Variants in DHX36 observed in about 807,000 individuals in gnomAD.
DHX36 encodes DEAH-box helicase 36.
A neutral mutation model predicts 139.0 loss-of-function variants in DHX36; 50 were observed. The observed-to-expected ratio is 0.36, with a 90% CI of 0.29 to 0.46. The LOEUF (loss-of-function observed/expected upper bound fraction) is 0.46. Among genes scored for constraint, DHX36 ranks in the 20% least tolerant of loss-of-function variants. DHX36 has a pLI of 1.00. For synonymous variants in DHX36, 425 were observed against 401.9 expected (o/e 1.06, Z -0.69); for missense variants, 1,024 against 1,211.3 (o/e 0.85, Z 2.29).
chr3:154,311,537 A>G, intron 4 of DHX36, 99 bp downstream of exon 4: 2 of 971,156 alleles, frequency 2.1e-6, no homozygotes, highest in Non-Finnish European at 3.0e-6. Flanking sequence ...CCTGTAAAAG[A>G]AAGTTCATTA....
At chr3:154,301,259 G>T in intron 9 of DHX36, 132 bp from the exon 10 acceptor site, 1 of 849,896 alleles carries the variant, frequency 1.2e-6, no homozygotes. Context: ...TCAAGTGAAT[G>T]CTAGCTAAAA....
chr3:154,272,609 A>C lies in DHX36; in HGVS notation c.*3562T>G, dbSNP rs1301808459. On this transcript the variant is annotated 3_prime_UTR_variant, in exon 25 of 25. Coordinates refer to ENST00000496811, the MANE Select transcript of DHX36 (RefSeq NM_020865.3). The stretch of plus-strand genomic sequence containing the variant: ...TTTATTATATATAAAATAATACCTA[A>C]AGTTTATATATATCAAAATGGAACA... 6.6e-6 allele frequency: 1 copy of C among 151,250 alleles called. No homozygotes were observed. Among genetic ancestry groups the C allele is most frequent in the Non-Finnish European group, 1.5e-5 (1 of 67,834 alleles). 9.4% of individuals were successfully genotyped at this position (151,250 alleles called of 1,614,324 possible).
intron 13 of DHX36, among the ~76,000 whole-genome samples, 163 bp from the exon 14 acceptor site, chr3:154,293,975 C>A (rs1711929288): frequency 6.6e-6 from 1 of 152,306 alleles, no homozygotes; most frequent in South Asian, 2.1e-4. Flanking sequence ...AAGTACAGAT[C>A]ATTTTCAATA....
chr3:154,283,386 G>A (rs946562250), intron 19 of DHX36, 115 bp from the exon 20 acceptor site: 2 of 704,460 alleles, frequency 2.8e-6, no homozygotes, highest in African/African-American at 3.6e-5. Context: ...AATTTTCTTT[G>A]TAAAAAATTC....
In DHX36 at chr3:154,293,791, C is replaced by T. The variant is rs773354597; in HGVS notation, c.1627G>A (p.Gly543Ser). The T allele has an allele frequency of 2.9e-5, 47 of 1,612,594 alleles. No homozygotes were observed. Among genetic ancestry groups the T allele is most frequent in the Non-Finnish European group, 4.0e-5 (47 of 1,179,130 alleles). ...QTQVFKRTPPGVRKIVIATNI... is the reference protein window; with the variant it reads ...QTQVFKRTPPSVRKIVIATNI... ...GTAGCAATTACTATTTTCCGAACACCAGGAGGGGTTCTTTTAAACACCTGT... is the reference window on the plus strand; with the variant it reads ...GTAGCAATTACTATTTTCCGAACACTAGGAGGGGTTCTTTTAAACACCTGT... The change falls in exon 14 of 25, where the codon GGT becomes AGT. Residue 543 changes from glycine to serine, a missense_variant. By Grantham distance (56) the Gly-to-Ser change is moderately conservative. This residue lies in a region of DHX36 where 470 missense variants were observed against 616.2 expected (regional missense o/e 0.76). Transcript: ENST00000496811.
chr3:154,276,325 T>C lies in DHX36; in HGVS notation c.2873A>G (p.Gln958Arg). 1 of 1,613,184 alleles carries C rather than the reference T, an allele frequency of 6.2e-7. No individual in the cohort carries two copies. The highest frequency in any genetic ancestry group is 8.5e-7 in the Non-Finnish European group (1 of 1,179,842). The change falls in exon 25 of 25, where the codon CAA (glutamine) becomes CGA (arginine). Residue 958 changes from glutamine to arginine, a missense_variant. Physicochemically the swap from Gln to Arg is conservative, Grantham distance 43. Transcript: ENST00000496811. ...AGGATGAGGACTTTCAATCTTCTCT[T>C]GCAGAAGAATATCTAGTTCCTTTCT... ...ELRKELDILL[Q>R]EKIESPHPVD... is the part of the protein sequence containing the mutation.
chr3:154,280,694 GGAAAA>G (rs770099570), intron 21 of DHX36, 25 bp from the exon 22 acceptor site: 8 of 1,606,692 alleles, frequency 5.0e-6, no homozygotes, highest in African/African-American at 2.7e-5. Flanking sequence ...AAGGTAGAGG[GGAAAA>G]GAAAAGTAAA....
Position 154,276,119 on chromosome 3 carries a change from A to C in DHX36, c.*52T>G, listed in dbSNP as rs1452944079. The C allele has an allele frequency of 8.3e-6, 13 of 1,563,198 alleles. No homozygotes were observed. The Admixed American group carries it at 2.2e-4, about 26-fold the overall frequency. On this transcript the variant is annotated 3_prime_UTR_variant, in exon 25 of 25. Transcript: ENST00000496811. The stretch of plus-strand genomic sequence containing the variant: ...TTGGCATCCAGCCAAAATTTAAACA[A>C]TGATGAAGAATGGCTGTCAAACTGG...
At chr3:154,308,122 A>G (rs1028817422) in intron 5 of DHX36, among the ~76,000 whole-genome samples, 1 of 152,206 alleles carries the variant, frequency 6.6e-6, no homozygotes, top group Non-Finnish European at 1.5e-5. Context: ...GGTACAATGT[A>G]TATGATGTGG....
At chr3:154,288,786 G>T in intron 17 of DHX36, 80 bp downstream of exon 17, 1 of 731,950 alleles carries the variant, frequency 1.4e-6, no homozygotes, top group Non-Finnish European at 2.0e-6. Flanking sequence ...TTGCAGTAAT[G>T]AGAGTAAACA....
At position 154,306,163 on chromosome 3, in the gene DHX36, G is replaced by A. The variant is rs1374394292; in HGVS notation, c.893+53C>T. Reference sequence around the variant, plus strand: ...AAATATCCTTTCTTTTGAATCTCCAGCTTCAAAGTTTCACTAAAATCTGCC... The same window carrying A: ...AAATATCCTTTCTTTTGAATCTCCAACTTCAAAGTTTCACTAAAATCTGCC... On this transcript the variant is annotated intron_variant, in intron 6 of 24. Transcript: ENST00000496811. 3 of 1,295,208 alleles carry A rather than the reference G, an allele frequency of 2.3e-6. No individual in the cohort carries two copies. In the East Asian group the frequency reaches 7.0e-5, roughly 30 times the overall value. 80.2% of individuals were successfully genotyped at this position (1,295,208 alleles called of 1,614,324 possible).
chr3:154,316,089 A>G lies in DHX36; in HGVS notation c.318T>C (p.Asn106=). ...ATATCTGTGCTTCTGACTCTTTATC[A>G]TTCTTCGCTTGAACAGAATTCAGTA... The part of the protein sequence containing the change: ...VQLLNSVQAK[N]DKESEAQISW... The change falls in exon 2 of 25, where the codon AAT becomes AAC. Residue 106 remains asparagine, a synonymous_variant. Transcript: ENST00000496811. 1 of 1,613,346 alleles carries G rather than the reference A, an allele frequency of 6.2e-7. No homozygotes were observed. Among genetic ancestry groups the G allele is most frequent in the Non-Finnish European group, 8.5e-7 (1 of 1,179,580 alleles).
chr3:154,312,852 A>AAAATATAT (rs1468885860), intron 3 of DHX36, among the ~76,000 whole-genome samples: 1 of 39,762 alleles, frequency 2.5e-5, no homozygotes, highest in Non-Finnish European at 4.7e-5. Flanking sequence ...AAATAATTAA[A>AAAATATAT]ATATATATAT....
At chr3:154,293,593 CA>C (rs537151140) in intron 14 of DHX36, among the ~76,000 whole-genome samples, 154 bp downstream of exon 14, 55 of 151,830 alleles carry the variant, frequency 3.6e-4, no homozygotes, top group Admixed American at 2.0e-3. Flanking sequence ...AAAAAGCCCA[CA>C]AAAAATAAAA....
chr3:154,313,787 G>C (rs1280858744), intron 3 of DHX36, among the ~76,000 whole-genome samples: 2 of 152,108 alleles, frequency 1.3e-5, no homozygotes, highest in Non-Finnish European at 2.9e-5. Flanking sequence ...TATTGCACAT[G>C]CTAAAAATGA....
chr3:154,300,073 T>C, intron 11 of DHX36, 148 bp from the exon 12 acceptor site: 5 of 604,124 alleles, frequency 8.3e-6, no homozygotes, highest in South Asian at 6.7e-5. Flanking sequence ...GCTTTTTTTT[T>C]TTAATTATTG....
At chr3:154,289,451 A>G (rs1711697103) in intron 16 of DHX36, among the ~76,000 whole-genome samples, 1 of 152,236 alleles carries the variant, frequency 6.6e-6, no homozygotes, top group Non-Finnish European at 1.5e-5. Flanking sequence ...AACCTGCCCA[A>G]TATAACAGAA....
chr3:154,277,942 G>T, intron 22 of DHX36: 1 of 343,816 alleles, frequency 2.9e-6, no homozygotes, highest in Non-Finnish European at 5.3e-6. Context: ...AATGCTATCA[G>T]TATGAATAAT....
intron 9 of DHX36, among the ~76,000 whole-genome samples, 166 bp from the exon 10 acceptor site, chr3:154,301,293 A>T (rs1424057301): frequency 3.3e-5 from 5 of 152,242 alleles, no homozygotes; most frequent in Non-Finnish European, 7.3e-5. Context: ...TCATTAACTT[A>T]TAAAACCTGA....
Sources: gnomAD v4.1 joint callset for allele counts (sites outside exome capture counted in the v4.1 genomes callset) on GRCh38, gnomAD v4.1.1 for gene constraint, gnomAD v4.1.1 regional missense constraint, MANE v1.5 for transcripts, NCBI Gene and HGNC (gene_info 2026-07-23, HGNC 2026-07-21) for gene names.